DNAH12: variants seen among roughly 807,000 people sequenced by gnomAD.
DNAH12 encodes axonemal beta dynein heavy chain 12.
A neutral mutation model predicts 371.5 loss-of-function variants in DNAH12; 285 were observed. The ratio of observed to expected loss-of-function variants is 0.77; its 90% confidence interval spans 0.70 to 0.85. The LOEUF is 0.85. DNAH12 is among the 40% of genes least tolerant of loss of function. The pLI is 0.00. For synonymous variants in DNAH12, 1,200 were observed against 1,213.0 expected (o/e 0.99, Z 0.22); for missense variants, 3,611 against 3,689.4 (o/e 0.98, Z 0.55).
the DNAH12 span, among the ~76,000 whole-genome samples, chr3:57,553,495 G>T: frequency 3.9e-5 from 6 of 152,114 alleles, no homozygotes; most frequent in Non-Finnish European, 8.8e-5. Flanking sequence ...CGCCAGGGAG[G>T]ACAGGGCCAT....
Position 57,489,634 on chromosome 3 carries a change from C to T in DNAH12, c.1389G>A (p.Trp463Ter). 1 of 1,533,370 alleles carries T rather than the reference C, an allele frequency of 6.5e-7. No homozygotes were observed. Among genetic ancestry groups the T allele is most frequent in the South Asian group, 1.3e-5 (1 of 79,240 alleles). 95.0% of individuals were successfully genotyped at this position (1,533,370 alleles called of 1,614,324 possible). A position where few individuals can be genotyped will look rare whatever the true frequency, so the allele number is the denominator to read the frequency against. Residue 463 changes from tryptophan (W) to a stop codon, truncating the protein, a stop_gained, in exon 12 of 74, where the codon TGG becomes TGA. Coordinates refer to ENST00000495027, the MANE Select transcript of DNAH12 (RefSeq NM_001366028.2). LOFTEE classifies it high-confidence loss of function. The stretch of plus-strand genomic sequence containing the variant: ...CCAAACGCACCATAGTGTAATGAAT[C>T]CACTGAGGCAAAAGCATTATTTCTG... ...LASEIMLLPQ[W>*]IHYTMVRLDC...
intron 11 of DNAH12, among the ~76,000 whole-genome samples, chr3:57,499,669 T>TACAC (rs1447875700): frequency 1.4e-4 from 7 of 49,720 alleles, no homozygotes; most frequent in Non-Finnish European, 2.4e-4. Context: ...TATATATATA[T>TACAC]ATATATACTT....
At chr3:57,297,269 A>G (rs1485773670) in intron 70 of DNAH12, 6 of 391,462 alleles carry the variant, frequency 1.5e-5, no homozygotes, top group African/African-American at 4.1e-5. Flanking sequence ...ATGCTTTATT[A>G]TATCATCCCA....
rs370294006 is a variant in DNAH12 at position 57,508,460 on chromosome 3, T to C, written c.623A>G (p.His208Arg). Residue 208 changes from histidine (H) to arginine (R), a missense_variant, in exon 7 of 74, where the codon CAT (histidine) becomes CGT (arginine). His to Arg is a conservative substitution (Grantham distance 29, BLOSUM62 0). This residue lies in a region of DNAH12 where 1,314 missense variants were observed against 1,398.7 expected (regional missense o/e 0.94). Transcript: ENST00000495027. ...GTCCAGTAACATTTTCATAGTTGGA[T>C]GAATAATGTGCAAATTAGAGAATAT... ...NQIFSNLHII[H>R]PTMKMLLDLG... The C allele has an allele frequency of 3.7e-6, 6 of 1,613,178 alleles. No individual in the cohort carries two copies. In the African/African-American group the frequency reaches 6.7e-5, roughly 18 times the overall value.
chr3:57,386,328 A>G (rs2063498831), intron 47 of DNAH12, 113 bp downstream of exon 47: 1 of 152,218 alleles, frequency 6.6e-6, no homozygotes, highest in South Asian at 2.1e-4. Flanking sequence ...TAGATGTGAA[A>G]GACATAACAA....
intron 11 of DNAH12, among the ~76,000 whole-genome samples, chr3:57,492,879 C>G (rs2067178627): frequency 6.6e-6 from 1 of 152,058 alleles, no homozygotes; most frequent in South Asian, 2.1e-4. Flanking sequence ...GTGGTAGGCA[C>G]CTGTAGTCTC....
chr3:57,462,764 G>A lies in DNAH12; in HGVS notation c.2461C>T (p.Leu821=), dbSNP rs2066092810. Residue 821 remains leucine, a synonymous_variant, in exon 18 of 74, where the codon CTG becomes TTG. Transcript: ENST00000495027. ...YDLTPDSGTT[L]RKVLKLNLTP... is the part of the protein sequence containing the mutation. ...AGGTTTAATTTTAAAACTTTTCTCA[G>A]TGTAGTTCCAGAGTCTGGAGTCAAG... 9 of 1,551,400 alleles carry A rather than the reference G, an allele frequency of 5.8e-6. No individual in the cohort carries two copies. Among genetic ancestry groups the A allele is most frequent in the Non-Finnish European group, 7.8e-6 (9 of 1,146,944 alleles).
chr3:57,403,753 A>G (rs1553679984), intron 42 of DNAH12, among the ~76,000 whole-genome samples: 2 of 152,220 alleles, frequency 1.3e-5, no homozygotes, highest in Non-Finnish European at 2.9e-5. Flanking sequence ...TACAAATAAA[A>G]TGAAATATTA....
chr3:57,311,504 T>C (rs901788304), intron 66 of DNAH12, among the ~76,000 whole-genome samples: 8 of 152,250 alleles, frequency 5.3e-5, no homozygotes, highest in Non-Finnish European at 8.8e-5. Context: ...GTATTTTTCA[T>C]ATGAATGTGG....
At chr3:57,297,563 C>T (rs925840536) in intron 70 of DNAH12, among the ~76,000 whole-genome samples, 7 of 151,970 alleles carry the variant, frequency 4.6e-5, no homozygotes, top group Non-Finnish European at 7.4e-5. Context: ...AGCATGTTGG[C>T]CAGGCTGGTC....
chr3:57,402,324 C>CT, intron 43 of DNAH12: 1 of 1,138,556 alleles, frequency 8.8e-7, no homozygotes, highest in African/African-American at 1.7e-5. Flanking sequence ...TTTTTTTCCA[C>CT]TTTGTATCAT....
chr3:57,293,848 T>C lies in DNAH12; in HGVS notation c.11816A>G (p.Lys3939Arg), dbSNP rs934975621. 8 of 1,550,950 alleles carry C rather than the reference T, an allele frequency of 5.2e-6. No homozygotes were observed. Among genetic ancestry groups the C allele is most frequent in the African/African-American group, 1.4e-5 (1 of 72,924 alleles). Residue 3939 changes from lysine (K) to arginine (R), a missense_variant, in exon 74 of 74, where the codon AAA (lysine) becomes AGA (arginine). By Grantham distance (26) the Lys-to-Arg change is conservative (BLOSUM62 2). Around this residue, in one of 3 missense-constraint regions of DNAH12, gnomAD observed 2,266 missense variants for 2,236.9 expected, o/e 1.01. Transcript: ENST00000495027. ...CCAGTGCCGAGTAGGTTGGTCTGTT[T>C]TTAACAACATTGCAATGACAAAGTT... ...STNFVIAMLL[K>R]TDQPTRHWIK...
chr3:57,352,149 A>G lies in DNAH12; in HGVS notation c.9610T>C (p.Cys3204Arg). The G allele has an allele frequency of 6.5e-7, 1 of 1,544,004 alleles. No individual in the cohort carries two copies. Among genetic ancestry groups the G allele is most frequent in the Non-Finnish European group, 8.7e-7 (1 of 1,145,086 alleles). The change falls in exon 60 of 74, where the codon TGC becomes CGC. Residue 3204 changes from cysteine to arginine, a missense_variant. Physicochemically the swap from Cys to Arg is radical, Grantham distance 180 (BLOSUM62 -3). This residue lies in a region of DNAH12 where 2,266 missense variants were observed against 2,236.9 expected (regional missense o/e 1.01). Transcript: ENST00000495027. ...TTGTCCTTCTCAAATAGTGATCGGC[A>G]TATATTACAATATAAGTTGTATGTG... ...HFTYNLYCNI[C>R]RSLFEKDKLL...
chr3:57,551,303 G>A, the DNAH12 span, among the ~76,000 whole-genome samples: 5 of 151,064 alleles, frequency 3.3e-5, no homozygotes, highest in Admixed American at 3.3e-4. Context: ...ATGGAGTCTC[G>A]CTCTGTCGCC....
chr3:57,450,408 C>T (rs951357153), intron 25 of DNAH12, among the ~76,000 whole-genome samples: 19 of 137,764 alleles, frequency 1.4e-4, no homozygotes, highest in Middle Eastern at 5.2e-3. Context: ...ATTAGTTGGG[C>T]GTGGTGGCAC....
chr3:57,461,614 G>A lies in DNAH12; in HGVS notation c.2611C>T (p.Arg871Cys), dbSNP rs1356072282. 33 of 1,551,038 alleles carry A rather than the reference G, an allele frequency of 2.1e-5. No individual in the cohort carries two copies. Among genetic ancestry groups the A allele is most frequent in the Middle Eastern group, 1.7e-4 (1 of 6,008 alleles). The stretch of plus-strand genomic sequence containing the variant: ...GAAAGAATACAGACTCCAGTGTCAC[G>A]ATACAGACTTATATGAAAAGCAATA... Reference protein sequence around the residue: ...EDIAFHISLYRDTGVCILSSV... With the variant: ...EDIAFHISLYCDTGVCILSSV... The change falls in exon 19 of 74, where the codon CGT becomes TGT. Residue 871 changes from arginine (R) to cysteine (C), a missense_variant. Transcript: ENST00000495027.
At chr3:57,339,241 G>A (rs1422836778) in intron 60 of DNAH12, among the ~76,000 whole-genome samples, 3 of 152,148 alleles carry the variant, frequency 2.0e-5, no homozygotes, top group Non-Finnish European at 2.9e-5. Flanking sequence ...AAACACTGCG[G>A]AAGGCCGCAG....
chr3:57,398,860 T>A (rs2063798518), intron 43 of DNAH12, among the ~76,000 whole-genome samples: 1 of 152,166 alleles, frequency 6.6e-6, no homozygotes, highest in Non-Finnish European at 1.5e-5. Context: ...TACAAAAGTA[T>A]AAAGTTCTCC....
intron 25 of DNAH12, among the ~76,000 whole-genome samples, chr3:57,451,369 G>A (rs752996154): frequency 6.6e-6 from 1 of 152,272 alleles, no homozygotes; most frequent in Non-Finnish European, 1.5e-5. Context: ...AGTGGCTCAC[G>A]TCTGCAATCC....
Sources: gnomAD v4.1 joint callset for allele counts (sites outside exome capture counted in the v4.1 genomes callset) on GRCh38, gnomAD v4.1.1 for gene constraint, gnomAD v4.1.1 regional missense constraint, MANE v1.5 for transcripts, NCBI Gene and HGNC (gene_info 2026-07-23, HGNC 2026-07-21) for gene names.